SETD1A: variants seen among roughly 807,000 people sequenced by gnomAD.
SETD1A encodes SET domain containing 1A, histone lysine methyltransferase.
A neutral mutation model predicts 149.9 loss-of-function variants in SETD1A; 29 were observed. The ratio of observed to expected loss-of-function variants is 0.19; its 90% CI spans 0.14 to 0.26. The LOEUF is 0.26. Among genes scored for constraint, SETD1A ranks in the 10% least tolerant of loss-of-function variants. SETD1A has a pLI of 1.00. For synonymous variants in SETD1A, 1,141 were observed against 968.5 expected, an observed-to-expected ratio of 1.18 and a Z score of -3.31; for missense variants, 2,109 against 2,353.1, an observed-to-expected ratio of 0.90 and a Z score of 2.15.
intron 12 of SETD1A, among the ~76,000 whole-genome samples, chr16:30,969,961 T>G (rs945873835): frequency 6.6e-5 from 10 of 152,144 alleles, no homozygotes; most frequent in East Asian, 1.9e-4. Flanking sequence ...TGTTTTGTTT[T>G]TTGTTGTTGT....
At chr16:30,967,185 A>T (rs1247403815) in intron 9 of SETD1A, 125 bp downstream of exon 9, 4 of 726,432 alleles carry the variant, frequency 5.5e-6, no homozygotes, top group African/African-American at 1.8e-5. Flanking sequence ...ATGGAGTCTT[A>T]CTCTGTTGCC....
At chr16:30,969,124 A>T (rs2056191868) in intron 10 of SETD1A, among the ~76,000 whole-genome samples, 181 bp from the exon 11 acceptor site, 1 of 152,164 alleles carries the variant, frequency 6.6e-6, no homozygotes, top group South Asian at 2.1e-4. Flanking sequence ...AAAAACAAAT[A>T]CAAAACTATG....
chr16:30,968,799 CAA>C (rs1015848250), intron 10 of SETD1A, among the ~76,000 whole-genome samples: 7 of 142,572 alleles, frequency 4.9e-5, no homozygotes, highest in Non-Finnish European at 3.1e-5. Context: ...GACTCCGTCT[CAA>C]AAAAAAAAAT....
At chr16:30,969,187 C>G in intron 10 of SETD1A, 118 bp from the exon 11 acceptor site, 1 of 1,040,002 alleles carries the variant, frequency 9.6e-7, no homozygotes, top group Non-Finnish European at 1.4e-6. Flanking sequence ...TCCAAATTCT[C>G]ATCTGTGAAA....
intron 4 of SETD1A, among the ~76,000 whole-genome samples, chr16:30,962,809 G>T (rs1242247036): frequency 6.6e-6 from 1 of 152,230 alleles, no homozygotes; most frequent in Non-Finnish European, 1.5e-5. Context: ...TCCGGACGTG[G>T]TGGTTCATGC....
At chr16:30,960,971 G>C (rs930744605) in intron 3 of SETD1A, among the ~76,000 whole-genome samples, 34 of 151,916 alleles carry the variant, frequency 2.2e-4, no homozygotes, top group African/African-American at 8.0e-4. Context: ...TTGAACTCCT[G>C]ACTTCTGGTG....
chr16:30,980,399 T>C lies in SETD1A; in HGVS notation c.4409-86T>C. 6.6e-7 allele frequency: 1 copy of C among 1,511,232 alleles called. No homozygotes were observed. The highest frequency in any genetic ancestry group is 8.9e-7 in the Non-Finnish European group (1 of 1,119,660). 93.6% of individuals were successfully genotyped at this position (1,511,232 alleles called of 1,614,324 possible). ...TCCTCCCCTGTCCCTCACCTGGGTA[T>C]GCTCAGCGGCGTGGGCCCCGCCCTC... On this transcript the variant is annotated intron_variant, in intron 14 of 18. Coordinates refer to ENST00000262519, the MANE Select transcript of SETD1A (RefSeq NM_014712.3). The surrounding 1 kb of genome is among the most constrained non-coding windows in gnomAD (Gnocchi z 7.7).
In SETD1A at chr16:30,959,129, C is replaced by T. The variant is rs748547049; in HGVS notation, c.189C>T (p.Pro63=). ...KYIPVEDLQD[P]RCHVRSKNRD... is the part of the protein sequence containing the mutation. The stretch of plus-strand genomic sequence containing the variant: ...TACCAGTCGAAGACCTCCAAGACCC[C>T]CGTTGCCATGTCAGGTCCAAAAACA... Residue 63 remains proline (P), a synonymous_variant, in exon 3 of 19, where the codon CCC becomes CCT. Coordinates refer to ENST00000262519, the MANE Select transcript of SETD1A (RefSeq NM_014712.3). 8.1e-6 allele frequency: 13 copies of T among 1,613,872 alleles called. No homozygotes were observed. The highest frequency in any genetic ancestry group is 3.3e-5 in the Admixed American group (2 of 60,002).
At chr16:30,978,294 T>C (rs1177134879) in intron 13 of SETD1A, among the ~76,000 whole-genome samples, 1 of 137,760 alleles carries the variant, frequency 7.3e-6, no homozygotes, top group Non-Finnish European at 1.6e-5. Context: ...AAAAAAAAGA[T>C]AGGAACCTCT....
chr16:30,971,798 T>C, intron 13 of SETD1A, 79 bp downstream of exon 13: 1 of 1,456,616 alleles, frequency 6.9e-7, no homozygotes, highest in South Asian at 1.5e-5. Flanking sequence ...GCATTTATTG[T>C]GTACAAGTGT....
Position 30,964,290 on chromosome 16 carries a change from C to A in SETD1A, c.836C>A (p.Thr279Asn). The A allele has an allele frequency of 6.2e-7, 1 of 1,613,832 alleles. No homozygotes were observed. Among genetic ancestry groups the A allele is most frequent in the South Asian group, 1.1e-5 (1 of 91,080 alleles). Residue 279 changes from threonine (T) to asparagine (N), a missense_variant, in exon 6 of 19, where the codon ACC becomes AAC. Around this residue, in one of 8 missense-constraint regions of SETD1A, gnomAD observed 410 missense variants for 394.8 expected, o/e 1.04. Transcript: ENST00000262519. ...ACCCCCTACACGTCTCGGGGCAGCA[C>A]CCCCTACTCTCAGGACTCTGCCTAC... ...QGTPYTSRGSTPYSQDSAYSS... is the reference protein window; with the variant it reads ...QGTPYTSRGSNPYSQDSAYSS...
In SETD1A at chr16:30,980,510, C is replaced by T; in HGVS notation, c.4434C>T (p.Arg1478=). The T allele has an allele frequency of 6.2e-7, 1 of 1,613,988 alleles. No homozygotes were observed. The highest frequency in any genetic ancestry group is 8.5e-7 in the Non-Finnish European group (1 of 1,179,932). ...HTITNLTTPK[R]KRRPQDGPRE... ...TCACCAACCTGACCACCCCAAAACG[C>T]AAGCGGCGGCCCCAGGATGGGCCCC... The change falls in exon 15 of 19, where the codon CGC becomes CGT. Residue 1478 remains arginine (R), a synonymous_variant. Transcript: ENST00000262519. The surrounding 1 kb of genome is among the most constrained non-coding windows in gnomAD (Gnocchi z 7.7).
At position 30,971,680 on chromosome 16, in the gene SETD1A, C is replaced by T. The variant is rs1445952174; in HGVS notation, c.3319C>T (p.Pro1107Ser). 1 of 1,594,482 alleles carries T rather than the reference C, an allele frequency of 6.3e-7. No homozygotes were observed. The highest frequency in any genetic ancestry group is 1.3e-5 in the African/African-American group (1 of 74,398). ...PERVAGSPVT[P>S]LPEQEASPAR... ...AAGGGTTGCAGGCTCCCCAGTCACA[C>T]CCCTGCCCGAACAGGAGGCGTCTCC... Residue 1107 changes from proline (P) to serine (S), a missense_variant, in exon 13 of 19, where the codon CCC becomes TCC. Coordinates refer to ENST00000262519, the MANE Select transcript of SETD1A (RefSeq NM_014712.3).
At chr16:30,972,958 A>AG (rs1029035846) in intron 13 of SETD1A, among the ~76,000 whole-genome samples, 1 of 152,086 alleles carries the variant, frequency 6.6e-6, no homozygotes, top group African/African-American at 2.4e-5. Flanking sequence ...CTGCAGGAGG[A>AG]GGAAGGCTTC....
intron 10 of SETD1A, 40 bp from the exon 11 acceptor site, chr16:30,969,265 T>C (rs763361324): frequency 3.1e-6 from 5 of 1,594,140 alleles, no homozygotes; most frequent in Non-Finnish European, 3.4e-6. Flanking sequence ...TATCTTGTGG[T>C]TGATGGTAAA....
In SETD1A at chr16:30,969,418, G is replaced by A. The variant is rs2056196186; in HGVS notation, c.2884G>A (p.Asp962Asn). The change falls in exon 11 of 19, where the codon GAC becomes AAC. Residue 962 changes from aspartate to asparagine, a missense_variant. This residue lies in a region of SETD1A where 832 missense variants were observed against 815.6 expected (regional missense o/e 1.02). Coordinates refer to ENST00000262519, the MANE Select transcript of SETD1A (RefSeq NM_014712.3). ...CAAGCACCGCAAGTCCTTTGCTCTG[G>A]ACAGCGAAGGGGAGGAGGCATCCCA... Reference protein sequence around the residue: ...QGKHRKSFALDSEGEEASQES... With the variant: ...QGKHRKSFALNSEGEEASQES... The A allele has an allele frequency of 6.2e-7, 1 of 1,613,890 alleles. No individual in the cohort carries two copies. Among genetic ancestry groups the A allele is most frequent in the Non-Finnish European group, 8.5e-7 (1 of 1,179,874 alleles).
intron 10 of SETD1A, 95 bp downstream of exon 10, chr16:30,967,683 G>T: frequency 1.0e-6 from 1 of 997,944 alleles, no homozygotes; most frequent in South Asian, 1.3e-5. Context: ...CGTCCTGAGG[G>T]CACAGCCAGG....
chr16:30,963,050 A>G (rs2056075863), intron 4 of SETD1A, among the ~76,000 whole-genome samples: 1 of 152,222 alleles, frequency 6.6e-6, no homozygotes, highest in African/African-American at 2.4e-5. Context: ...TTTAGTTTAC[A>G]GGATAAAGAG....
chr16:30,977,640 A>G (rs1808282398), intron 13 of SETD1A, among the ~76,000 whole-genome samples: 1 of 152,184 alleles, frequency 6.6e-6, no homozygotes, highest in Non-Finnish European at 1.5e-5. Context: ...GAGGAAGGTG[A>G]GAGGAGGCCT....
Sources: allele counts gnomAD v4.1 joint callset (sites outside exome capture counted in the v4.1 genomes callset), GRCh38; gene constraint gnomAD v4.1.1; regional missense constraint gnomAD v4.1.1; non-coding constraint Gnocchi (gnomAD v3.1); transcripts MANE v1.5; gene names NCBI Gene and HGNC (gene_info 2026-07-23, HGNC 2026-07-21).